LMO2: variants seen among roughly 807,000 people sequenced by gnomAD.
LMO2 encodes the protein rhombotin-2.
LMO2 carries 20 observed loss-of-function variants against 23.2 expected under a neutral mutation model. The observed-to-expected ratio is 0.86, with a 90% confidence interval of 0.61 to 1.25. LMO2 has a LOEUF of 1.25. LMO2 is among the 50% of genes most tolerant of loss of function. The pLI is 0.00. For missense variants in LMO2, 270 were observed against 315.3 expected (o/e 0.86, Z 1.09); for synonymous variants, 123 against 130.2 (o/e 0.94, Z 0.38).
At chr11:33,889,819 G>T (rs116586389) in intron 1 of LMO2, among the ~76,000 whole-genome samples, 2,308 of 152,280 alleles carry the variant, frequency 0.015, 57 homozygotes, top group African/African-American at 0.051. Flanking sequence ...CAAAGGAAAA[G>T]AAATAATTAG....
intron 1 of LMO2, among the ~76,000 whole-genome samples, chr11:33,886,130 G>A (rs1857401081): frequency 6.6e-6 from 1 of 152,080 alleles, no homozygotes; most frequent in South Asian, 2.1e-4. Context: ...CACCTGCCTT[G>A]GCCTCCCAAA....
At chr11:33,881,445 G>A (rs766764386) in intron 2 of LMO2, 12 of 454,890 alleles carry the variant, frequency 2.6e-5, no homozygotes, top group African/African-American at 1.6e-4. Context: ...TTCCATCCTC[G>A]CCTTCACAAG....
chr11:33,870,075 T>A, intron 2 of LMO2, 88 bp from the exon 3 acceptor site: 4 of 393,598 alleles, frequency 1.0e-5, no homozygotes, highest in East Asian at 1.3e-4. Context: ...TCTTCCTTTT[T>A]TTTTTTTTTT....
intron 2 of LMO2, chr11:33,870,517 C>G (rs1856989499): frequency 1.0e-6 from 1 of 985,360 alleles, no homozygotes; most frequent in Non-Finnish European, 1.2e-6. Flanking sequence ...TGCGGCCGCG[C>G]TCTGCAGAGG....
chr11:33,888,696 C>T (rs1376328435), intron 1 of LMO2, among the ~76,000 whole-genome samples: 1 of 152,214 alleles, frequency 6.6e-6, no homozygotes, highest in Non-Finnish European at 1.5e-5. Flanking sequence ...GCACATATTG[C>T]CATCTGGCAT....
intron 1 of LMO2, among the ~76,000 whole-genome samples, chr11:33,882,956 C>A (rs980798293): frequency 6.6e-6 from 1 of 152,196 alleles, no homozygotes. Context: ...TAGGCCCACA[C>A]CCAATCTCCC....
intron 5 of LMO2, among the ~76,000 whole-genome samples, chr11:33,862,593 G>T (rs1158078622): frequency 1.2e-5 from 1 of 81,928 alleles, no homozygotes; most frequent in Admixed American, 1.6e-4. Context: ...TCCTCACGGG[G>T]ACAAGTTATC....
chr11:33,867,181 G>A (rs187562913), intron 4 of LMO2, among the ~76,000 whole-genome samples: 35 of 152,256 alleles, frequency 2.3e-4, no homozygotes, highest in African/African-American at 7.7e-4. Flanking sequence ...AAGGGAATCT[G>A]TGTTCATGAA....
At chr11:33,859,648 C>T in intron 5 of LMO2, 73 bp from the exon 6 acceptor site, 1 of 1,431,180 alleles carries the variant, frequency 7.0e-7, no homozygotes, top group South Asian at 1.3e-5. Context: ...CGGGGATGAG[C>T]CCTAGAAAGG....
Position 33,863,612 on chromosome 11 carries a change from A to G in LMO2, c.464+990T>C, listed in dbSNP as rs79623678. Among the ~76,000 whole-genome samples, 799 of 152,258 alleles carry G rather than the reference A, an allele frequency of 5.2e-3. 4 individuals carry two copies. The highest frequency in any genetic ancestry group is 8.6e-3 in the Non-Finnish European group (588 of 68,018). On this transcript the variant is annotated intron_variant, in intron 5 of 5. Coordinates refer to ENST00000257818, the MANE Select transcript of LMO2 (RefSeq NM_005574.4). Reference sequence around the variant, plus strand: ...ACAGCTACACAGTTGAGCAGATCTGACAGTAGAGGGCACAGAGACAGTTAC... The same window carrying G: ...ACAGCTACACAGTTGAGCAGATCTGGCAGTAGAGGGCACAGAGACAGTTAC...
chr11:33,869,000 A>T (rs1287028073), intron 4 of LMO2, among the ~76,000 whole-genome samples: 1 of 152,218 alleles, frequency 6.6e-6, no homozygotes, highest in Non-Finnish European at 1.5e-5. Flanking sequence ...AGTCAAGCCC[A>T]GAACGCTCTC....
intron 2 of LMO2, among the ~76,000 whole-genome samples, chr11:33,877,245 CCTGGCCATTGGCTCTT>C (rs1857156820): frequency 6.6e-6 from 1 of 152,156 alleles, no homozygotes; most frequent in Non-Finnish European, 1.5e-5. Flanking sequence ...AGAAGCCATT[CCTGGCCATTGGCTCTT>C]CAGAGTCACG....
At chr11:33,875,327 T>C (rs750088996) in intron 2 of LMO2, among the ~76,000 whole-genome samples, 5 of 152,094 alleles carry the variant, frequency 3.3e-5, no homozygotes, top group Admixed American at 6.6e-5. Flanking sequence ...CCTATAATCC[T>C]GACACTTTCG....
At chr11:33,875,763 G>A (rs1420103015) in intron 2 of LMO2, among the ~76,000 whole-genome samples, 1 of 152,164 alleles carries the variant, frequency 6.6e-6, no homozygotes, top group Non-Finnish European at 1.5e-5. Context: ...TTCAAGGTGG[G>A]AGTCAGAGCC....
Position 33,864,684 on chromosome 11 carries a change from G to A in LMO2, c.382C>T (p.Leu128Phe). 1 of 1,614,106 alleles carries A rather than the reference G, an allele frequency of 6.2e-7. No homozygotes were observed. The highest frequency in any genetic ancestry group is 8.5e-7 in the Non-Finnish European group (1 of 1,180,034). ...ACCTCACCCAGCCGGCAGCCACAGA[G>A]GTCGCAGCTCAGGCAGTCCTCGTGC... ...YWHEDCLSCD[L>F]CGCRLGEVGR... The change falls in exon 5 of 6, where the codon CTC becomes TTC. Residue 128 changes from leucine (L) to phenylalanine (F), a missense_variant. By Grantham distance (22) the Leu-to-Phe change is conservative. Transcript: ENST00000257818. The surrounding 1 kb of genome is among the most constrained non-coding windows in gnomAD (Gnocchi z 4.8).
chr11:33,860,999 T>A (rs1223119070), intron 5 of LMO2, among the ~76,000 whole-genome samples: 1 of 152,096 alleles, frequency 6.6e-6, no homozygotes, highest in African/African-American at 2.4e-5. Context: ...CAGCCCTGAG[T>A]GACCCTGGAG....
chr11:33,890,302 C>T (rs750601878), intron 1 of LMO2, among the ~76,000 whole-genome samples: 4 of 152,048 alleles, frequency 2.6e-5, no homozygotes, highest in African/African-American at 7.3e-5. Flanking sequence ...ATGCAATTTA[C>T]GCTTGTCACA....
At position 33,864,796 on chromosome 11, in the gene LMO2, C is replaced by T. The variant is rs765050940; in HGVS notation, c.270G>A (p.Leu90=). 3.1e-6 allele frequency: 5 copies of T among 1,613,792 alleles called. No individual in the cohort carries two copies. The South Asian group carries it at 3.3e-5, about 11-fold the overall frequency. The change falls in exon 5 of 6, where the codon CTG becomes CTA. Residue 90 remains leucine, a synonymous_variant. Transcript: ENST00000257818. This position sits in a 1 kb window ranked among gnomAD's most constrained non-coding sequence, Gnocchi z 4.8. The stretch of plus-strand genomic sequence containing the variant: ...ATGTCAGCAGGGATGGGGGGATCTG[C>T]AGCACCTCATCCACTGGTTCCCTGG... ...DPSEEPVDEV[L]QIPPSLLTCG...
chr11:33,883,000 T>C (rs892405119), intron 1 of LMO2, among the ~76,000 whole-genome samples: 2 of 152,236 alleles, frequency 1.3e-5, no homozygotes, highest in East Asian at 1.9e-4. Flanking sequence ...GGCCTTTCCC[T>C]GGATACCTGA....
Sources: allele counts gnomAD v4.1 joint callset (sites outside exome capture counted in the v4.1 genomes callset), GRCh38; gene constraint gnomAD v4.1.1; non-coding constraint Gnocchi (gnomAD v3.1); transcripts MANE v1.5; gene names NCBI Gene and HGNC (gene_info 2026-07-23, HGNC 2026-07-21).